The following ASIC2 variants were observed in gnomAD, a reference collection of about 807,000 sequenced individuals.
ASIC2 encodes acid sensing ion channel subunit 2, also known as acid-sensing ion channel 2.
Under a neutral mutation model 57.3 loss-of-function variants are expected in ASIC2, and 25 were observed. The observed-to-expected ratio is 0.44, with a 90% CI of 0.32 to 0.61. The LOEUF (loss-of-function observed/expected upper bound fraction) is 0.61, where lower values mean the gene tolerates loss of function less well. Among genes scored for constraint, ASIC2 ranks in the 20% least tolerant of loss-of-function variants. The probability of loss-of-function intolerance (pLI) is 0.06; values close to 1 mark genes in which losing one functional copy is unlikely to be tolerated. For synonymous variants in ASIC2, 319 were observed against 307.5 expected, an observed-to-expected ratio of 1.04 and a Z score of -0.39; for missense variants, 641 against 738.1, an observed-to-expected ratio of 0.87 and a Z score of 1.52.
intron 1 of ASIC2, among the ~76,000 whole-genome samples, chr17:33,513,046 T>C (rs576830438): frequency 6.6e-6 from 1 of 152,334 alleles, no homozygotes; most frequent in South Asian, 2.1e-4. Context: ...GTTTTATTGA[T>C]CATTCTACAA....
intron 1 of ASIC2, among the ~76,000 whole-genome samples, chr17:33,937,825 AT>A (rs142761548): frequency 7.2e-5 from 11 of 151,924 alleles, no homozygotes; most frequent in Non-Finnish European, 1.0e-4. Context: ...CTTTTAGAAA[AT>A]TTTTTTTTCT....
intron 1 of ASIC2, among the ~76,000 whole-genome samples, chr17:34,033,882 CA>C (rs1225069865): frequency 6.6e-6 from 1 of 151,972 alleles, no homozygotes; most frequent in Non-Finnish European, 1.5e-5. Flanking sequence ...GCTTACCAAC[CA>C]AAAAAAGTCC....
At chr17:33,210,257 A>G (rs951247379) in intron 1 of ASIC2, among the ~76,000 whole-genome samples, 1 of 152,226 alleles carries the variant, frequency 6.6e-6, no homozygotes, top group Non-Finnish European at 1.5e-5. Context: ...TTCTATGAAG[A>G]CTTTAAGCTG....
intron 1 of ASIC2, among the ~76,000 whole-genome samples, chr17:33,887,190 C>T (rs1914849758): frequency 6.6e-6 from 1 of 152,158 alleles, no homozygotes; most frequent in East Asian, 1.9e-4. Context: ...TTCCCTGAAT[C>T]TCATCATTCA....
intron 3 of ASIC2, among the ~76,000 whole-genome samples, chr17:33,059,328 G>A (rs900333968): frequency 2.0e-5 from 3 of 151,994 alleles, no homozygotes; most frequent in Non-Finnish European, 4.4e-5. Flanking sequence ...CCCACAACAG[G>A]CCCCAGTGTG....
chr17:33,807,663 C>T (rs1024984967), intron 1 of ASIC2, among the ~76,000 whole-genome samples: 1 of 152,158 alleles, frequency 6.6e-6, no homozygotes, highest in African/African-American at 2.4e-5. Flanking sequence ...TTGGGCCCCT[C>T]CTCATCCTCT....
At chr17:33,336,440 C>A (rs968272370) in intron 1 of ASIC2, among the ~76,000 whole-genome samples, 1 of 151,988 alleles carries the variant, frequency 6.6e-6, no homozygotes, top group African/African-American at 2.4e-5. Context: ...ATTTTTGGCA[C>A]CCCTGAAATT....
At chr17:34,114,386 G>A (rs1300405273) in intron 1 of ASIC2, among the ~76,000 whole-genome samples, 1 of 152,178 alleles carries the variant, frequency 6.6e-6, no homozygotes, top group African/African-American at 2.4e-5. Context: ...GTGGCTCTGG[G>A]AAGGTCTGTG....
intron 1 of ASIC2, among the ~76,000 whole-genome samples, chr17:33,116,877 C>T (rs573686462): frequency 1.3e-4 from 19 of 151,646 alleles, no homozygotes; most frequent in African/African-American, 4.4e-4. Flanking sequence ...TGAGACAGGG[C>T]CTTGCTTTGT....
intron 1 of ASIC2, among the ~76,000 whole-genome samples, chr17:33,545,309 T>C (rs926182621): frequency 2.0e-5 from 3 of 152,178 alleles, no homozygotes; most frequent in Non-Finnish European, 4.4e-5. Flanking sequence ...TGAGACCCAG[T>C]CCACACATGT....
At chr17:33,846,130 A>T (rs529504986) in intron 1 of ASIC2, among the ~76,000 whole-genome samples, 1 of 152,192 alleles carries the variant, frequency 6.6e-6, no homozygotes, top group Non-Finnish European at 1.5e-5. Context: ...TAGAAAGAGC[A>T]TTTAAATGCT....
chr17:34,038,043 GC>G (rs1443709353), intron 1 of ASIC2: 1 of 1,613,228 alleles, frequency 6.2e-7, no homozygotes, highest in African/African-American at 1.3e-5. Context: ...TGTGATGTTA[GC>G]TCCATGCCAT....
intron 1 of ASIC2, among the ~76,000 whole-genome samples, chr17:33,329,370 G>A (rs1001747377): frequency 6.6e-6 from 1 of 152,198 alleles, no homozygotes. Flanking sequence ...TGGCTGGGAA[G>A]TTCATGACCT....
At chr17:34,085,892 T>C (rs1261874031) in intron 1 of ASIC2, among the ~76,000 whole-genome samples, 1 of 151,776 alleles carries the variant, frequency 6.6e-6, no homozygotes, top group African/African-American at 2.4e-5. Context: ...ACATCCCCTT[T>C]ATCATTTTTT....
At chr17:33,070,057 T>G (rs2092061554) in intron 3 of ASIC2, among the ~76,000 whole-genome samples, 1 of 152,226 alleles carries the variant, frequency 6.6e-6, no homozygotes, top group African/African-American at 2.4e-5. Flanking sequence ...TAGTGGCTGT[T>G]GTAGAGTTTA....
At chr17:33,675,509 A>G (rs923221423) in intron 1 of ASIC2, among the ~76,000 whole-genome samples, 3 of 152,338 alleles carry the variant, frequency 2.0e-5, no homozygotes, top group South Asian at 2.1e-4. Flanking sequence ...GGGGACACAG[A>G]TGAGCTTCAC....
intron 1 of ASIC2, among the ~76,000 whole-genome samples, chr17:34,150,608 C>A (rs1207679042): frequency 1.3e-5 from 2 of 152,134 alleles, no homozygotes; most frequent in African/African-American, 4.8e-5. Context: ...TTAGCCCAAG[C>A]ACTTCATGAT....
intron 3 of ASIC2, among the ~76,000 whole-genome samples, chr17:33,067,419 G>A (rs763965842): frequency 2.0e-5 from 3 of 152,156 alleles, no homozygotes; most frequent in African/African-American, 7.2e-5. Context: ...TGTTGGATTT[G>A]TATATGAGGA....
intron 1 of ASIC2, among the ~76,000 whole-genome samples, chr17:33,282,453 A>ATGTGTGTGTG (rs35692967): frequency 1.4e-5 from 2 of 147,454 alleles, no homozygotes; most frequent in South Asian, 2.2e-4. Context: ...CTCTGTGTGT[A>ATGTGTGTGTG]TGTGTGTGTG....
Sources: allele counts gnomAD v4.1 joint callset (sites outside exome capture counted in the v4.1 genomes callset), GRCh38; gene constraint gnomAD v4.1.1; transcripts MANE v1.5; gene names NCBI Gene and HGNC (gene_info 2026-07-23, HGNC 2026-07-21).